PRKCB: variants seen among roughly 807,000 people sequenced by gnomAD.
PRKCB encodes the protein protein kinase C beta type.
PRKCB carries 13 observed loss-of-function variants against 81.5 expected under a neutral mutation model. That is an observed-to-expected ratio of 0.16 (90% CI 0.10 to 0.25). The LOEUF is 0.25. PRKCB is among the 10% of genes least tolerant of loss of function. PRKCB has a pLI of 1.00. For missense variants in PRKCB, 509 were observed against 875.7 expected, an observed-to-expected ratio of 0.58 and a Z score of 5.29; for synonymous variants, 335 against 321.4, an observed-to-expected ratio of 1.04 and a Z score of -0.45.
At chr16:24,083,672 G>A (rs974369784) in intron 5 of PRKCB, among the ~76,000 whole-genome samples, 1 of 152,122 alleles carries the variant, frequency 6.6e-6, no homozygotes, top group African/African-American at 2.4e-5. Context: ...GCCAGGGGCT[G>A]AGGATGAGAA....
intron 6 of PRKCB, 62 bp downstream of exon 6, chr16:24,093,009 T>A: frequency 1.3e-6 from 2 of 1,525,450 alleles, no homozygotes; most frequent in Middle Eastern, 1.7e-4. Context: ...CCACCTGAAA[T>A]CAGGGAGTTC....
rs556141933 is a variant in PRKCB, at chr16:23,879,897, C to T, written c.205+42491C>T. 8.0e-4 allele frequency among the ~76,000 whole-genome samples: 122 copies of T among 152,276 alleles called. 2 individuals carry two copies. The highest frequency in any genetic ancestry group is 2.8e-3 in the African/African-American group (118 of 41,564). The stretch of plus-strand genomic sequence containing the variant: ...AATCCTAGCTCTGCTGTTTTTTAAA[C>T]TCTGTGACCTTGGGCAAGTCTTAAC... On this transcript the variant is annotated intron_variant, in intron 2 of 16. Coordinates refer to ENST00000643927, the MANE Select transcript of PRKCB (RefSeq NM_002738.7).
At chr16:24,212,758 C>T (rs892762837) in intron 16 of PRKCB, among the ~76,000 whole-genome samples, 7 of 151,960 alleles carry the variant, frequency 4.6e-5, no homozygotes, top group African/African-American at 7.2e-5. Flanking sequence ...TGAACCACCA[C>T]GCCTGGCCCA....
At chr16:23,850,954 A>T (rs555632920) in intron 2 of PRKCB, among the ~76,000 whole-genome samples, 4 of 152,138 alleles carry the variant, frequency 2.6e-5, no homozygotes, top group African/African-American at 9.6e-5. Flanking sequence ...CCATTTTTAA[A>T]TCAGGTTATT....
At chr16:23,992,083 G>A (rs1157164116) in intron 3 of PRKCB, among the ~76,000 whole-genome samples, 2 of 152,222 alleles carry the variant, frequency 1.3e-5, no homozygotes, top group African/African-American at 4.8e-5. Flanking sequence ...TACCATGTGA[G>A]GTTGCAATGA....
At chr16:24,141,563 T>G (rs1245877565) in intron 9 of PRKCB, among the ~76,000 whole-genome samples, 1 of 152,200 alleles carries the variant, frequency 6.6e-6, no homozygotes, top group Non-Finnish European at 1.5e-5. Context: ...TGAGGTAGCT[T>G]AAGCCCTTCA....
intron 5 of PRKCB, among the ~76,000 whole-genome samples, chr16:24,076,310 G>A (rs990983585): frequency 2.0e-5 from 3 of 152,162 alleles, no homozygotes; most frequent in African/African-American, 7.2e-5. Flanking sequence ...GTACAGGAGT[G>A]CTTTTGGCTT....
chr16:24,049,047 G>GTTTTTTTTTTTTTTTTTTTTT (rs1160842975), intron 5 of PRKCB, among the ~76,000 whole-genome samples: 1 of 49,656 alleles, frequency 2.0e-5, no homozygotes, highest in Non-Finnish European at 3.5e-5. Context: ...AAATTGGCCT[G>GTTTTTTTTTTTTTTTTTTTTT]TTTTTTTTTT....
intron 2 of PRKCB, among the ~76,000 whole-genome samples, chr16:23,882,098 A>C: frequency 8.7e-6 from 1 of 115,032 alleles, no homozygotes; most frequent in Non-Finnish European, 1.7e-5. Flanking sequence ...TTTTTTTGAC[A>C]GGGTCTCCCT....
rs199522445 is a variant in PRKCB, at chr16:23,990,229, C to T, written c.288+1639C>T. ...ATCCCAGCACTTTGGGAGGCTGAGG[C>T]GGGCAGATCACAAGGTCAGGAGATC... On this transcript the variant is annotated intron_variant, in intron 3 of 16. Coordinates refer to ENST00000643927, the MANE Select transcript of PRKCB (RefSeq NM_002738.7). Among the ~76,000 whole-genome samples the T allele has an allele frequency of 6.6e-4, 101 of 152,044 alleles. 1 individual carries two copies. The highest frequency in any genetic ancestry group is 2.2e-3 in the African/African-American group (92 of 41,466).
chr16:24,036,259 G>A (rs1596522693), intron 5 of PRKCB, among the ~76,000 whole-genome samples: 1 of 152,064 alleles, frequency 6.6e-6, no homozygotes, highest in Admixed American at 6.6e-5. Context: ...ATGTATCCCA[G>A]CATTCAAGAC....
chr16:24,200,987 G>A (rs376030632), intron 16 of PRKCB, among the ~76,000 whole-genome samples: 19 of 152,012 alleles, frequency 1.2e-4, no homozygotes, highest in South Asian at 2.1e-4. Flanking sequence ...GCCCTAAATC[G>A]TGAGGAAGAT....
chr16:24,214,872 T>C lies in PRKCB; in HGVS notation c.*56T>C, dbSNP rs1968200368. On this transcript the variant is annotated 3_prime_UTR_variant, in exon 17 of 17. Transcript: ENST00000643927. The stretch of plus-strand genomic sequence containing the variant: ...TGTCATTCAAGCTCAACGGCTATTG[T>C]GGTGACATTTTTATGTTTTTCATTG... The C allele has an allele frequency of 1.1e-5, 18 of 1,588,828 alleles. No individual in the cohort carries two copies. The South Asian group carries it at 1.8e-4, about 16-fold the overall frequency.
chr16:24,033,611 A>C (rs759605065), intron 4 of PRKCB, among the ~76,000 whole-genome samples: 7 of 152,016 alleles, frequency 4.6e-5, no homozygotes, highest in Non-Finnish European at 8.8e-5. Context: ...AAAATACAAA[A>C]ATTAGCCAGT....
intron 10 of PRKCB, among the ~76,000 whole-genome samples, chr16:24,159,052 C>G (rs1287237762): frequency 2.0e-5 from 3 of 152,198 alleles, no homozygotes. Context: ...CAGGCTCCAC[C>G]AGGAGCCTGT....
chr16:23,854,116 C>T (rs1962522291), intron 2 of PRKCB, among the ~76,000 whole-genome samples: 3 of 151,476 alleles, frequency 2.0e-5, no homozygotes, highest in African/African-American at 7.3e-5. Flanking sequence ...CCGCCAGGTC[C>T]TTCTCATGAC....
In PRKCB at chr16:24,218,717, C is replaced by A; in HGVS notation, c.*3901C>A. On this transcript the variant is annotated 3_prime_UTR_variant, in exon 17 of 17. Coordinates refer to ENST00000643927, the MANE Select transcript of PRKCB (RefSeq NM_002738.7). Reference sequence around the variant, plus strand: ...AAAGCCTGGGTGGTGATGGCTCAAACGCTAATGAGTCAGTGAATCCTTACC... The same window carrying A: ...AAAGCCTGGGTGGTGATGGCTCAAAAGCTAATGAGTCAGTGAATCCTTACC... The A allele has an allele frequency of 1.0e-6, 1 of 985,496 alleles. No individual in the cohort carries two copies. The highest frequency in any genetic ancestry group is 1.2e-6 in the Non-Finnish European group (1 of 829,992). The allele number at this position is 985,496 out of a possible 1,614,324, so 61.0% of individuals were successfully genotyped here.
At chr16:24,091,819 G>A (rs943025558) in intron 5 of PRKCB, among the ~76,000 whole-genome samples, 1 of 152,088 alleles carries the variant, frequency 6.6e-6, no homozygotes, top group African/African-American at 2.4e-5. Flanking sequence ...CACCATGTTA[G>A]CCTTATAGCC....
At chr16:24,195,090 C>G (rs149911287) in intron 16 of PRKCB, among the ~76,000 whole-genome samples, 1 of 151,910 alleles carries the variant, frequency 6.6e-6, no homozygotes, top group African/African-American at 2.4e-5. Context: ...GTAGTCCCAG[C>G]TACTCAGGAG....
Sources: allele counts gnomAD v4.1 joint callset (sites outside exome capture counted in the v4.1 genomes callset), GRCh38; gene constraint gnomAD v4.1.1; transcripts MANE v1.5; gene names NCBI Gene and HGNC (gene_info 2026-07-23, HGNC 2026-07-21).